Variants in CADM2 observed in about 807,000 individuals in gnomAD.
CADM2 encodes the protein immunoglobulin superfamily member 4D.
Under a neutral mutation model 49.8 loss-of-function variants are expected in CADM2, and 12 were observed. The ratio of observed to expected loss-of-function variants is 0.24; its 90% CI spans 0.15 to 0.39. The LOEUF is 0.39. CADM2 is among the 10% of genes least tolerant of loss of function. The probability of loss-of-function intolerance (pLI) is 1.00; values close to 1 mark genes in which losing one functional copy is unlikely to be tolerated. For missense variants in CADM2, 378 were observed against 492.3 expected (o/e 0.77, Z 2.20); for synonymous variants, 214 against 175.4 (o/e 1.22, Z -1.74).
intron 1 of CADM2, among the ~76,000 whole-genome samples, chr3:85,660,850 C>G (rs1003623350): frequency 6.6e-6 from 1 of 151,220 alleles, no homozygotes; most frequent in South Asian, 2.1e-4. Flanking sequence ...TTTTTCCCTC[C>G]GTCTTTCTCT....
At chr3:85,350,703 A>C (rs1192065529) in intron 1 of CADM2, among the ~76,000 whole-genome samples, 1 of 152,158 alleles carries the variant, frequency 6.6e-6, no homozygotes, top group Non-Finnish European at 1.5e-5. Flanking sequence ...AAGACTGTAC[A>C]TGAGAAAGTA....
intron 1 of CADM2, among the ~76,000 whole-genome samples, chr3:85,429,769 A>T (rs946192129): frequency 3.9e-5 from 6 of 152,178 alleles, no homozygotes; most frequent in African/African-American, 1.4e-4. Flanking sequence ...AGCAAAGTAC[A>T]TCCATTGGTC....
chr3:85,157,610 A>G (rs530313573), intron 1 of CADM2, among the ~76,000 whole-genome samples: 300 of 152,284 alleles, frequency 2.0e-3, no homozygotes, highest in Middle Eastern at 6.8e-3. Context: ...TATTTAATAA[A>G]TGGTGCTGGG....
Position 85,546,093 on chromosome 3 carries a change from A to G in CADM2, c.62-180429A>G, listed in dbSNP as rs2061665398. ...CCTCATACAGTAATACCTCTTATGA[A>G]TGTCCTAAATTTTACTTCTTTATTA... On this transcript the variant is annotated intron_variant, in intron 1 of 9. Coordinates refer to ENST00000383699, the MANE Select transcript of CADM2 (RefSeq NM_001167675.2). Among the ~76,000 whole-genome samples the G allele has an allele frequency of 2.6e-5, 4 of 152,192 alleles. No homozygotes were observed. The South Asian group carries it at 8.3e-4, about 31-fold the overall frequency.
chr3:85,618,737 T>G (rs1169500043), intron 1 of CADM2, among the ~76,000 whole-genome samples: 1 of 152,110 alleles, frequency 6.6e-6, no homozygotes, highest in Non-Finnish European at 1.5e-5. Flanking sequence ...GTATGTATAA[T>G]TTATTTTTAT....
chr3:85,357,418 C>T (rs944353633), intron 1 of CADM2, among the ~76,000 whole-genome samples: 14 of 152,198 alleles, frequency 9.2e-5, no homozygotes, highest in African/African-American at 2.9e-4. Context: ...TAACTAGGAT[C>T]ATTCTTTGGA....
chr3:85,461,228 G>T (rs528705056), intron 1 of CADM2, among the ~76,000 whole-genome samples: 1 of 151,980 alleles, frequency 6.6e-6, no homozygotes, highest in African/African-American at 2.4e-5. Flanking sequence ...AAAAAGGCTT[G>T]CTCCCTCCCC....
chr3:85,703,844 A>T (rs2066856614), intron 1 of CADM2, among the ~76,000 whole-genome samples: 1 of 152,150 alleles, frequency 6.6e-6, no homozygotes. Flanking sequence ...CAGAATCCTC[A>T]TGTCTCACCC....
At chr3:85,228,138 T>G (rs2042202735) in intron 1 of CADM2, among the ~76,000 whole-genome samples, 1 of 152,092 alleles carries the variant, frequency 6.6e-6, no homozygotes, top group Admixed American at 6.5e-5. Flanking sequence ...CTTTGTGGTG[T>G]TCTCTGTATT....
At chr3:85,709,990 GT>G (rs1292029914) in intron 1 of CADM2, among the ~76,000 whole-genome samples, 1 of 152,124 alleles carries the variant, frequency 6.6e-6, no homozygotes, top group African/African-American at 2.4e-5. Flanking sequence ...TGGAAAGTGT[GT>G]TACCTGAGTA....
At position 85,754,148 on chromosome 3, in the gene CADM2, A is replaced by G. The variant is rs181969908; in HGVS notation, c.88+27600A>G. Reference sequence around the variant, plus strand: ...TGCCAGTCTAATGTTTCTAGAAGTCATATACCAGTTAAATGTGGCCATTTT... The same window carrying G: ...TGCCAGTCTAATGTTTCTAGAAGTCGTATACCAGTTAAATGTGGCCATTTT... On this transcript the variant is annotated intron_variant, in intron 2 of 9. Transcript: ENST00000383699. 2.2e-3 allele frequency among the ~76,000 whole-genome samples: 328 copies of G among 152,236 alleles called. 1 individual carries two copies. Among genetic ancestry groups the G allele is most frequent in the Non-Finnish European group, 3.6e-3 (248 of 68,010 alleles).
chr3:85,475,924 A>G (rs1201258039), intron 1 of CADM2, among the ~76,000 whole-genome samples: 1 of 151,956 alleles, frequency 6.6e-6, no homozygotes, highest in Non-Finnish European at 1.5e-5. Context: ...CAAAATATTC[A>G]GATTGAAATG....
At chr3:85,758,195 C>G (rs2069208851) in intron 2 of CADM2, among the ~76,000 whole-genome samples, 1 of 151,944 alleles carries the variant, frequency 6.6e-6, no homozygotes, top group Non-Finnish European at 1.5e-5. Flanking sequence ...TTGGTAGGAG[C>G]ACAACAGAGC....
intron 8 of CADM2, among the ~76,000 whole-genome samples, chr3:86,024,250 C>T (rs1733583287): frequency 6.6e-6 from 1 of 152,176 alleles, no homozygotes; most frequent in South Asian, 2.1e-4. Flanking sequence ...AAGTTCTGAC[C>T]TACCTTTCAT....
At chr3:85,062,088 G>GCACA (rs750878271) in intron 1 of CADM2, among the ~76,000 whole-genome samples, 3 of 145,302 alleles carry the variant, frequency 2.1e-5, no homozygotes, top group Non-Finnish European at 3.1e-5. Flanking sequence ...ACACACACAC[G>GCACA]CACACACACA....
chr3:85,172,376 A>T (rs2040651423), intron 1 of CADM2, among the ~76,000 whole-genome samples: 1 of 152,268 alleles, frequency 6.6e-6, no homozygotes. Flanking sequence ...ACACAAAAAC[A>T]AATGAAAGAT....
At chr3:85,384,309 C>A (rs1336760887) in intron 1 of CADM2, among the ~76,000 whole-genome samples, 1 of 151,548 alleles carries the variant, frequency 6.6e-6, no homozygotes, top group Admixed American at 6.6e-5. Flanking sequence ...TCTTTTTTTT[C>A]TTCTATTTTT....
At chr3:85,032,869 A>G (rs1055561232) in intron 1 of CADM2, among the ~76,000 whole-genome samples, 2 of 152,010 alleles carry the variant, frequency 1.3e-5, no homozygotes, top group African/African-American at 4.8e-5. Context: ...TTAATGAAAG[A>G]CTCTACAATA....
chr3:85,410,612 G>A (rs1423810385), intron 1 of CADM2, among the ~76,000 whole-genome samples: 1 of 152,094 alleles, frequency 6.6e-6, no homozygotes, highest in Non-Finnish European at 1.5e-5. Context: ...AATTACATGA[G>A]GTCTGAGTTT....
Sources: gnomAD v4.1 joint callset for allele counts (sites outside exome capture counted in the v4.1 genomes callset) on GRCh38, gnomAD v4.1.1 for gene constraint, MANE v1.5 for transcripts, NCBI Gene and HGNC (gene_info 2026-07-23, HGNC 2026-07-21) for gene names.